Variants in UCN3 observed in about 807,000 individuals in gnomAD.
The protein encoded by UCN3 is urocortin-3.
Under a neutral mutation model 3.6 loss-of-function variants are expected in UCN3, and 3 were observed. That is an observed-to-expected ratio of 0.83 (90% CI 0.38 to 2.15). The LOEUF (loss-of-function observed/expected upper bound fraction) is 2.15. UCN3 is among the 30% of genes most tolerant of loss of function. The pLI, the probability that UCN3 is intolerant of heterozygous loss-of-function variation, is 0.06. For synonymous variants in UCN3, 100 were observed against 93.2 expected (o/e 1.07, Z -0.42); for missense variants, 206 against 208.3 (o/e 0.99, Z 0.07).
chr10:5,373,707 T>A lies in UCN3; in HGVS notation c.-6-8T>A. ...TGCCCCTGCCCACATCCCTCTTTTC[T>A]GCTGCAGGGAGAGATGCTGATGCCG... On this transcript the variant is annotated splice_region_variant and splice_polypyrimidine_tract_variant and intron_variant, in intron 1 of 1. Transcript: ENST00000380433. 6.2e-7 allele frequency: 1 copy of A among 1,611,708 alleles called. No homozygotes were observed. Among genetic ancestry groups the A allele is most frequent in the Non-Finnish European group, 8.5e-7 (1 of 1,178,458 alleles).
At chr10:5,368,877 G>A (rs1831292173) in intron 1 of UCN3, among the ~76,000 whole-genome samples, 2 of 152,168 alleles carry the variant, frequency 1.3e-5, no homozygotes, top group African/African-American at 4.8e-5. Flanking sequence ...GAACTCCGGG[G>A]TACAGCTCTA....
intron 1 of UCN3, among the ~76,000 whole-genome samples, chr10:5,370,820 TGTGCGCGCGTGTGTGTGCGC>T (rs1831400282): frequency 9.2e-6 from 1 of 108,766 alleles, no homozygotes. Context: ...TGTGCGTGTG[TGTGCGCGCGTGTGTGTGCGC>T]GTGTGTGTGC....
Position 5,374,005 on chromosome 10 carries a change from C to A in UCN3, c.285C>A (p.Tyr95Ter). ...GARGGARGTR[Y>*]RYVSQAQPRG... ...GGGGTGGAGCCAGAGGCACCCGGTA[C>A]AGATACGTGTCCCAAGCACAGCCCA... The change falls in exon 2 of 2, where the codon TAC (tyrosine) becomes TAA (stop). Residue 95 changes from tyrosine to a stop codon, truncating the protein, a stop_gained. Coordinates refer to ENST00000380433, the MANE Select transcript of UCN3 (RefSeq NM_053049.4). LOFTEE classifies it high-confidence loss of function. 1.2e-6 allele frequency: 2 copies of A among 1,611,276 alleles called. No individual in the cohort carries two copies. The highest frequency in any genetic ancestry group is 8.5e-7 in the Non-Finnish European group (1 of 1,178,754).
intron 1 of UCN3, among the ~76,000 whole-genome samples, chr10:5,371,380 G>A (rs1461353627): frequency 1.3e-5 from 2 of 152,010 alleles, no homozygotes; most frequent in African/African-American, 2.4e-5. Context: ...GTATGTGGGT[G>A]CATGTGTATG....
chr10:5,369,754 C>A (rs924995008), intron 1 of UCN3, among the ~76,000 whole-genome samples: 15 of 152,100 alleles, frequency 9.9e-5, no homozygotes, highest in African/African-American at 3.6e-4. Context: ...AACCTGATTT[C>A]TTAGACAAAA....
rs782338430 is a variant in UCN3, at chr10:5,370,736, ATG to A, written c.-6-2971_-6-2970del. On this transcript the variant is annotated intron_variant, in intron 1 of 1. Transcript: ENST00000380433. ...GATGTGTGTGTATATGCGTGTGTAT[ATG>A]TGTGTGTATATGATGTGTGTGTATA... Among the ~76,000 whole-genome samples the A allele has an allele frequency of 8.3e-3, 759 of 90,958 alleles. 75 individuals are homozygous for A. Among genetic ancestry groups the A allele is most frequent in the African/African-American group, 0.034 (675 of 19,914 alleles). The allele number at this position is 90,958 out of a possible 152,430, so 59.7% of individuals were successfully genotyped here. A position where few individuals can be genotyped will look rare whatever the true frequency, so the allele number is the denominator to read the frequency against.
intron 1 of UCN3, among the ~76,000 whole-genome samples, chr10:5,369,104 T>C (rs1365782420): frequency 6.6e-6 from 1 of 152,158 alleles, no homozygotes; most frequent in South Asian, 2.1e-4. Context: ...GAGAACCGCT[T>C]ACTTAGACTA....
At chr10:5,373,509 T>C (rs1176317704) in intron 1 of UCN3, among the ~76,000 whole-genome samples, 1 of 152,198 alleles carries the variant, frequency 6.6e-6, no homozygotes, top group African/African-American at 2.4e-5. Context: ...CCAGAGCTTT[T>C]GATTTACTCG....
Position 5,373,834 on chromosome 10 carries a change from C to T in UCN3, c.114C>T (p.Thr38=), listed in dbSNP as rs781837103. 34 of 1,613,948 alleles carry T rather than the reference C, an allele frequency of 2.1e-5. No homozygotes were observed. In the Admixed American group the frequency reaches 2.5e-4, roughly 12 times the overall value. ...AGCCCATCTTCAGCTGCCTCAACAC[C>T]GCCCTGTCTGAGGCTGAGAAGGGCC... is the stretch of plus-strand genomic sequence containing the variant. The part of the protein sequence containing the change: ...KAKPIFSCLN[T]ALSEAEKGQW... Residue 38 remains threonine, a synonymous_variant, in exon 2 of 2, where the codon ACC becomes ACT. Transcript: ENST00000380433.
intron 1 of UCN3, among the ~76,000 whole-genome samples, chr10:5,372,596 G>A (rs1554811646): frequency 6.6e-6 from 1 of 152,098 alleles, no homozygotes; most frequent in African/African-American, 2.4e-5. Context: ...TGTTGCCCAG[G>A]ATGGAGGCAG....
chr10:5,373,772 C>A lies in UCN3; in HGVS notation c.52C>A (p.Pro18Thr). Residue 18 changes from proline to threonine, a missense_variant, in exon 2 of 2, where the codon CCC becomes ACC. Physicochemically the swap from Pro to Thr is conservative, Grantham distance 38. Transcript: ENST00000380433. ...LLLLLLLLGG[P>T]RTGLPHKFYK... ...GCTCCTGCTGCTGCTCCTGGGGGGC[C>A]CCAGGACAGGCCTCCCCCACAAGTT... 1 of 1,613,884 alleles carries A rather than the reference C, an allele frequency of 6.2e-7. No individual in the cohort carries two copies.
rs1228984572 is a variant in UCN3 at position 5,373,274 on chromosome 10, C to T, written c.-6-441C>T. On this transcript the variant is annotated intron_variant, in intron 1 of 1. Transcript: ENST00000380433. ...AAGCAACAGGGATATATTCAGTCAGCCTTGCCAATGATGAAGGAACATAAA... is the reference window on the plus strand; with the variant it reads ...AAGCAACAGGGATATATTCAGTCAGTCTTGCCAATGATGAAGGAACATAAA... Among the ~76,000 whole-genome samples the T allele has an allele frequency of 3.3e-5, 5 of 152,180 alleles. No homozygotes were observed. In the South Asian group the frequency reaches 1.0e-3, roughly 32 times the overall value.
chr10:5,370,046 CGTGT>C lies in UCN3; in HGVS notation c.-6-3666_-6-3663del, dbSNP rs1244111317. 3.6e-4 allele frequency among the ~76,000 whole-genome samples: 4 copies of C among 10,978 alleles called. 1 individual carries two copies. Among genetic ancestry groups the C allele is most frequent in the East Asian group, 3.5e-3 (1 of 286 alleles). The allele number at this position is 10,978 out of a possible 152,430, so 7.2% of individuals were successfully genotyped here. ...GTGTGTGTATATGCGTGTGTATATG[CGTGT>C]GTATGTGTGTGTATATGTGTGTATA... On this transcript the variant is annotated intron_variant, in intron 1 of 1. Transcript: ENST00000380433.
chr10:5,367,745 G>A lies in UCN3; in HGVS notation c.-7+2515G>A, dbSNP rs1834129940. 6.6e-6 allele frequency among the ~76,000 whole-genome samples: 1 copy of A among 152,262 alleles called. No homozygotes were observed. Among genetic ancestry groups the A allele is most frequent in the Non-Finnish European group, 1.5e-5 (1 of 68,050 alleles). On this transcript the variant is annotated intron_variant, in intron 1 of 1. Transcript: ENST00000380433. This position sits in a 1 kb window ranked among gnomAD's most constrained non-coding sequence, Gnocchi z 4.3. The stretch of plus-strand genomic sequence containing the variant: ...GAGCCCCAAGATGGGCTTGAACTCA[G>A]AAAGTAGTCTGAGTTCTCAGTAATA...
intron 1 of UCN3, among the ~76,000 whole-genome samples, chr10:5,369,101 GCTTA>G (rs782238612): frequency 3.9e-5 from 6 of 152,196 alleles, no homozygotes; most frequent in Non-Finnish European, 5.9e-5. Flanking sequence ...GTTGAGAACC[GCTTA>G]CTTAGACTAA....
Position 5,369,901 on chromosome 10 carries a change from ATG to A in UCN3, c.-6-3804_-6-3803del, listed in dbSNP as rs1228009354. Among the ~76,000 whole-genome samples the A allele has an allele frequency of 1.5e-3, 133 of 86,222 alleles. 23 individuals carry two copies. The highest frequency in any genetic ancestry group is 5.2e-3 in the South Asian group (11 of 2,098). 56.6% of individuals were successfully genotyped at this position (86,222 alleles called of 152,430 possible). On this transcript the variant is annotated intron_variant, in intron 1 of 1. Coordinates refer to ENST00000380433, the MANE Select transcript of UCN3 (RefSeq NM_053049.4). ...TGTGTGTGTATATGTGTGTGTGTAT[ATG>A]TGTGTGTGTATATGTGTGTGTATGT... is the stretch of plus-strand genomic sequence containing the variant.
intron 1 of UCN3, among the ~76,000 whole-genome samples, chr10:5,370,236 TGC>T (rs1554811155): frequency 5.4e-5 from 5 of 92,922 alleles, no homozygotes; most frequent in Non-Finnish European, 8.4e-5. Context: ...CGTGTGTGTA[TGC>T]GTGTGTGTAT....
intron 1 of UCN3, among the ~76,000 whole-genome samples, chr10:5,370,211 ATGTGTGTGTATGTGCGTGTGTG>A (rs1831346971): frequency 1.8e-4 from 3 of 16,888 alleles, no homozygotes; most frequent in African/African-American, 4.9e-4. Context: ...ATGCGTGTGT[ATGTGTGTGTATGTGCGTGTGTG>A]TATGCGTGTG....
rs1002906055 is a variant in UCN3, at chr10:5,367,894, C to A, written c.-7+2664C>A. Among the ~76,000 whole-genome samples, 10 of 152,018 alleles carry A rather than the reference C, an allele frequency of 6.6e-5. No individual in the cohort carries two copies. Among genetic ancestry groups the A allele is most frequent in the Non-Finnish European group, 1.2e-4 (8 of 67,988 alleles). ...GGGGTGCAGGGTTTGAGTGAGGAAGCAAAATAAACAAATGGGGTGGTGGGG... is the reference window on the plus strand; with the variant it reads ...GGGGTGCAGGGTTTGAGTGAGGAAGAAAAATAAACAAATGGGGTGGTGGGG... On this transcript the variant is annotated intron_variant, in intron 1 of 1. Coordinates refer to ENST00000380433, the MANE Select transcript of UCN3 (RefSeq NM_053049.4). The surrounding 1 kb of genome is among the most constrained non-coding windows in gnomAD (Gnocchi z 4.3).
Sources: allele counts gnomAD v4.1 joint callset (sites outside exome capture counted in the v4.1 genomes callset), GRCh38; gene constraint gnomAD v4.1.1; non-coding constraint Gnocchi (gnomAD v3.1); transcripts MANE v1.5; gene names NCBI Gene and HGNC (gene_info 2026-07-23, HGNC 2026-07-21).